The following NRG2 variants were observed in gnomAD, a reference collection of about 807,000 sequenced individuals.
The protein encoded by NRG2 is neuregulin 2.
In NRG2, 27 loss-of-function variants were observed where a neutral mutation model predicts 73.9. That is an observed-to-expected ratio of 0.37 (90% CI 0.27 to 0.50). The LOEUF is 0.50. Ranked by LOEUF, NRG2 falls within the 20% of genes least tolerant of loss-of-function variation. The pLI is 0.96. For synonymous variants in NRG2, 532 were observed against 541.0 expected (o/e 0.98, Z 0.23); for missense variants, 1,126 against 1,210.1 (o/e 0.93, Z 1.03).
chr5:140,000,304 C>T (rs1379455748), intron 1 of NRG2, among the ~76,000 whole-genome samples: 1 of 152,238 alleles, frequency 6.6e-6, no homozygotes, highest in Non-Finnish European at 1.5e-5. Flanking sequence ...CTACACACCT[C>T]TGTGCTTGAA....
intron 1 of NRG2, among the ~76,000 whole-genome samples, chr5:140,018,340 C>A (rs931770325): frequency 6.6e-6 from 1 of 152,276 alleles, no homozygotes; most frequent in East Asian, 1.9e-4. Flanking sequence ...GAAGAGAGGT[C>A]TCAAAGTGCC....
chr5:139,970,957 TA>T (rs2126531272), intron 1 of NRG2, among the ~76,000 whole-genome samples: 1 of 152,268 alleles, frequency 6.6e-6, no homozygotes, highest in East Asian at 1.9e-4. Context: ...CTTTTTTTTT[TA>T]TTTTTTCCCC....
Position 139,852,406 on chromosome 5 carries a change from T to G in NRG2, c.1544+26A>C. On this transcript the variant is annotated intron_variant, in intron 8 of 9. Transcript: ENST00000361474. This position sits in a 1 kb window ranked among gnomAD's most constrained non-coding sequence, Gnocchi z 4.4. ...CAGATGAAGTATGTGAGTCTACAAG[T>G]TTCCATGGGCCTTGGTGGTGCCTAC... is the stretch of plus-strand genomic sequence containing the variant. 6.2e-7 allele frequency: 1 copy of G among 1,607,492 alleles called. No individual in the cohort carries two copies. The highest frequency in any genetic ancestry group is 8.5e-7 in the Non-Finnish European group (1 of 1,177,298).
At position 139,847,937 on chromosome 5, in the gene NRG2, G is replaced by C; in HGVS notation, c.2533C>G (p.Gln845Glu). The change falls in exon 10 of 10, where the codon CAG (glutamine) becomes GAG (glutamate). Residue 845 changes from glutamine (Q) to glutamate (E), a missense_variant. Around this residue, in one of 3 missense-constraint regions of NRG2, gnomAD observed 402 missense variants for 357.8 expected, o/e 1.12. Coordinates refer to ENST00000361474, the MANE Select transcript of NRG2 (RefSeq NM_004883.3). ...HSRGPPPRAK[Q>E]DSAPL ...GGGCCCTAGAGTGGCGCCGAGTCCT[G>C]CTTGGCCCGCGGGGGCGGCCCGCGG... The C allele has an allele frequency of 6.7e-7, 1 of 1,498,726 alleles. No individual in the cohort carries two copies. Among genetic ancestry groups the C allele is most frequent in the Non-Finnish European group, 8.9e-7 (1 of 1,129,630 alleles). The allele number at this position is 1,498,726 out of a possible 1,614,324, so 92.8% of individuals were successfully genotyped here. A position where few individuals can be genotyped will look rare whatever the true frequency, so the allele number is the denominator to read the frequency against.
chr5:140,035,884 G>GA (rs552523444), intron 1 of NRG2, among the ~76,000 whole-genome samples: 3 of 148,756 alleles, frequency 2.0e-5, no homozygotes, highest in East Asian at 1.9e-4. Flanking sequence ...TCTGGGGAGA[G>GA]AAAAAAAAAA....
At chr5:139,985,097 T>C (rs952443819) in intron 1 of NRG2, among the ~76,000 whole-genome samples, 4 of 152,098 alleles carry the variant, frequency 2.6e-5, no homozygotes, top group African/African-American at 9.7e-5. Context: ...CCCAGCACTT[T>C]GGGAGGCTGA....
chr5:139,886,881 C>G (rs1763906435), intron 2 of NRG2, among the ~76,000 whole-genome samples: 1 of 152,218 alleles, frequency 6.6e-6, no homozygotes, highest in South Asian at 2.1e-4. Context: ...TTTCCCTTAC[C>G]TAGCTCTCTG....
intron 5 of NRG2, 88 bp from the exon 6 acceptor site, chr5:139,855,866 A>C: frequency 9.9e-7 from 1 of 1,014,384 alleles, no homozygotes; most frequent in Non-Finnish European, 1.5e-6. Flanking sequence ...CCCCAAAGCC[A>C]TAGGCTCTCC....
At chr5:139,960,995 T>C (rs577635973) in intron 1 of NRG2, among the ~76,000 whole-genome samples, 1 of 152,242 alleles carries the variant, frequency 6.6e-6, no homozygotes, top group East Asian at 1.9e-4. Flanking sequence ...TCTCCACTAG[T>C]AATATGAAGA....
chr5:139,857,164 C>T (rs1297463084), intron 5 of NRG2, among the ~76,000 whole-genome samples: 1 of 152,234 alleles, frequency 6.6e-6, no homozygotes, highest in Admixed American at 6.5e-5. Flanking sequence ...CTCTGTCCTA[C>T]TTCATTGGCT....
In NRG2 at chr5:140,008,750, T is replaced by A. The variant is rs78370303; in HGVS notation, c.700+33620A>T. Among the ~76,000 whole-genome samples, 4,498 of 152,252 alleles carry A rather than the reference T, an allele frequency of 0.03. 220 individuals are homozygous for A. The highest frequency in any genetic ancestry group is 0.1 in the African/African-American group (4,266 of 41,528). On this transcript the variant is annotated intron_variant, in intron 1 of 9. Coordinates refer to ENST00000361474, the MANE Select transcript of NRG2 (RefSeq NM_004883.3). The surrounding 1 kb of genome is among the most constrained non-coding windows in gnomAD (Gnocchi z 4.2). ...CAAATGATATGACCAGAGACTCAAC[T>A]GGTGAGTTCAAAAAAATAAATGCAT...
At chr5:140,024,864 T>C (rs1305627551) in intron 1 of NRG2, among the ~76,000 whole-genome samples, 1 of 152,210 alleles carries the variant, frequency 6.6e-6, no homozygotes, top group Non-Finnish European at 1.5e-5. Context: ...TGCTAAACTT[T>C]TCTAAGAAAA....
intron 1 of NRG2, among the ~76,000 whole-genome samples, chr5:139,976,868 C>T (rs552354434): frequency 6.6e-6 from 1 of 152,230 alleles, no homozygotes; most frequent in Non-Finnish European, 1.5e-5. Context: ...GTTAAGAGCA[C>T]TGCATGGGAG....
chr5:139,863,809 G>A (rs1762303001), intron 5 of NRG2, among the ~76,000 whole-genome samples: 1 of 152,124 alleles, frequency 6.6e-6, no homozygotes, highest in Non-Finnish European at 1.5e-5. Flanking sequence ...CTTCCTCCTT[G>A]GCCTCCCACA....
intron 1 of NRG2, among the ~76,000 whole-genome samples, chr5:139,923,191 G>C (rs138260938): frequency 6.6e-6 from 1 of 152,146 alleles, no homozygotes; most frequent in Non-Finnish European, 1.5e-5. Context: ...TTGATTGTGC[G>C]TGTGTGGGAC....
At chr5:140,026,119 A>T (rs1341829281) in intron 1 of NRG2, among the ~76,000 whole-genome samples, 1 of 152,244 alleles carries the variant, frequency 6.6e-6, no homozygotes, top group Non-Finnish European at 1.5e-5. Context: ...GAATGAGCAA[A>T]AGCACTAAAG....
At chr5:139,974,938 T>G (rs990688478) in intron 1 of NRG2, among the ~76,000 whole-genome samples, 9 of 152,250 alleles carry the variant, frequency 5.9e-5, no homozygotes, top group African/African-American at 2.2e-4. Flanking sequence ...TCTCTGGATG[T>G]GGAAAACCCA....
chr5:139,865,064 G>C lies in NRG2; in HGVS notation c.1189+485C>G. 6.8e-7 allele frequency: 1 copy of C among 1,466,162 alleles called. No homozygotes were observed. Among genetic ancestry groups the C allele is most frequent in the Non-Finnish European group, 9.6e-7 (1 of 1,045,204 alleles). The allele number at this position is 1,466,162 out of a possible 1,614,324, so 90.8% of individuals were successfully genotyped here. A position where few individuals can be genotyped will look rare whatever the true frequency, so the allele number is the denominator to read the frequency against. Reference sequence around the variant, plus strand: ...AAGCAAGGCCCCATCCCTCCCCAGGGGGAGACTGTCAGTCACCAGGGAAGA... The same window carrying C: ...AAGCAAGGCCCCATCCCTCCCCAGGCGGAGACTGTCAGTCACCAGGGAAGA... On this transcript the variant is annotated intron_variant, in intron 5 of 9. Coordinates refer to ENST00000361474, the MANE Select transcript of NRG2 (RefSeq NM_004883.3). This position sits in a 1 kb window ranked among gnomAD's most constrained non-coding sequence, Gnocchi z 5.2.
At chr5:139,933,467 A>C (rs527814583) in intron 1 of NRG2, among the ~76,000 whole-genome samples, 1 of 152,326 alleles carries the variant, frequency 6.6e-6, no homozygotes, top group Admixed American at 6.5e-5. Context: ...ATACAAGACA[A>C]AATAGGCTTC....
Sources: allele counts gnomAD v4.1 joint callset (sites outside exome capture counted in the v4.1 genomes callset), GRCh38; gene constraint gnomAD v4.1.1; regional missense constraint gnomAD v4.1.1; non-coding constraint Gnocchi (gnomAD v3.1); transcripts MANE v1.5; gene names NCBI Gene and HGNC (gene_info 2026-07-23, HGNC 2026-07-21).